Variants in GABRA4 observed in about 807,000 individuals in gnomAD.
GABRA4 encodes the protein gamma-aminobutyric acid type A receptor subunit alpha4, also known as gamma-aminobutyric acid receptor subunit alpha-4.
Under a neutral mutation model 49.7 loss-of-function variants are expected in GABRA4, and 12 were observed. The observed-to-expected ratio is 0.24, with a 90% CI of 0.15 to 0.39. The LOEUF is 0.39. Among genes scored for constraint, GABRA4 ranks in the 10% least tolerant of loss-of-function variants. GABRA4 has a pLI of 1.00. For missense variants in GABRA4, 506 were observed against 686.0 expected (o/e 0.74, Z 2.93); for synonymous variants, 288 against 240.2 (o/e 1.20, Z -1.84).
At chr4:46,987,487 A>G (rs1359622996) in intron 2 of GABRA4, among the ~76,000 whole-genome samples, 1 of 152,118 alleles carries the variant, frequency 6.6e-6, no homozygotes, top group African/African-American at 2.4e-5. Context: ...CACAGTGTGA[A>G]CTTATGAGGG....
At chr4:46,949,228 T>C (rs1722080985) in intron 8 of GABRA4, among the ~76,000 whole-genome samples, 1 of 152,150 alleles carries the variant, frequency 6.6e-6, no homozygotes, top group Non-Finnish European at 1.5e-5. Flanking sequence ...CACACATTCT[T>C]ACGGGATTCT....
At chr4:46,949,141 C>A (rs1028928892) in intron 8 of GABRA4, among the ~76,000 whole-genome samples, 3 of 152,088 alleles carry the variant, frequency 2.0e-5, no homozygotes, top group Non-Finnish European at 4.4e-5. Context: ...GCTATGATTT[C>A]TAAAACTGTG....
intron 2 of GABRA4, 84 bp downstream of exon 2, chr4:46,992,744 T>C: frequency 1.0e-6 from 1 of 979,746 alleles, no homozygotes; most frequent in Non-Finnish European, 1.7e-6. Flanking sequence ...GAGGCATACC[T>C]AATGATATTC....
intron 2 of GABRA4, among the ~76,000 whole-genome samples, chr4:46,983,354 CTTGGGTCTTTCT>C (rs1408837420): frequency 1.3e-5 from 2 of 152,068 alleles, no homozygotes; most frequent in African/African-American, 4.8e-5. Flanking sequence ...CAGCATACTG[CTTGGGTCTTTCT>C]ATCTGTAACA....
chr4:46,933,122 T>C (rs1311065385), intron 8 of GABRA4, among the ~76,000 whole-genome samples: 1 of 152,124 alleles, frequency 6.6e-6, no homozygotes, highest in Non-Finnish European at 1.5e-5. Flanking sequence ...ACCAAAAAGA[T>C]TACTGTCTGA....
At chr4:46,944,317 C>T (rs1427524497) in intron 8 of GABRA4, among the ~76,000 whole-genome samples, 3 of 145,464 alleles carry the variant, frequency 2.1e-5, no homozygotes, top group South Asian at 2.3e-4. Flanking sequence ...TTGTTAAGTA[C>T]TCCAACTTCT....
At chr4:46,969,520 T>G (rs1447381729) in intron 7 of GABRA4, among the ~76,000 whole-genome samples, 2 of 151,634 alleles carry the variant, frequency 1.3e-5, no homozygotes, top group African/African-American at 4.8e-5. Flanking sequence ...GAGCATCCAA[T>G]AGTACAACAC....
chr4:46,959,440 G>A (rs188581440), intron 8 of GABRA4, among the ~76,000 whole-genome samples: 21 of 151,966 alleles, frequency 1.4e-4, no homozygotes, highest in Admixed American at 7.2e-4. Flanking sequence ...TGATTAAATG[G>A]TATAATCCTA....
chr4:46,977,651 C>G (rs1723193780), intron 3 of GABRA4, 21 bp from the exon 4 acceptor site: 11 of 1,551,872 alleles, frequency 7.1e-6, no homozygotes, highest in Non-Finnish European at 9.7e-6. Flanking sequence ...TATTTTGGAA[C>G]ATATTTAAGT....
At position 46,956,555 on chromosome 4, in the gene GABRA4, C is replaced by CT. The variant is rs558694158; in HGVS notation, c.1134+8414dup. Among the ~76,000 whole-genome samples the CT allele has an allele frequency of 2.4e-4, 36 of 151,714 alleles. 1 individual carries two copies. Among genetic ancestry groups the CT allele is most frequent in the African/African-American group, 5.6e-4 (23 of 41,390 alleles). ...AGATTTGCCGAGCCTCTTTGTTTTG[C>CT]TTTTTTTTCCCCCAAAGTGTCCTCA... On this transcript the variant is annotated intron_variant, in intron 8 of 8. Transcript: ENST00000264318.
intron 2 of GABRA4, among the ~76,000 whole-genome samples, chr4:46,988,675 C>G (rs1723628431): frequency 6.6e-6 from 1 of 152,128 alleles, no homozygotes; most frequent in African/African-American, 2.4e-5. Flanking sequence ...AGCTTTAGAA[C>G]AAAAGTTCTT....
At chr4:46,982,954 C>G (rs1015928815) in intron 2 of GABRA4, among the ~76,000 whole-genome samples, 3 of 151,792 alleles carry the variant, frequency 2.0e-5, no homozygotes, top group African/African-American at 4.8e-5. Context: ...GAACAATAAG[C>G]GAAGATACAA....
At chr4:46,950,421 T>C (rs1722129785) in intron 8 of GABRA4, among the ~76,000 whole-genome samples, 1 of 152,024 alleles carries the variant, frequency 6.6e-6, no homozygotes, top group Non-Finnish European at 1.5e-5. Flanking sequence ...CATGACAAAT[T>C]CTTATTAATT....
At position 46,963,625 on chromosome 4, in the gene GABRA4, C is replaced by T. The variant is rs114151283; in HGVS notation, c.1134+1345G>A. Among the ~76,000 whole-genome samples, 183 of 151,830 alleles carry T rather than the reference C, an allele frequency of 1.2e-3. No homozygotes were observed. The Middle Eastern group carries it at 0.014, about 11-fold the overall frequency. ...TTCCCAGTTTCAGGTATGTCATGAT[C>T]AGCAGTGTGAAAATGGACTAATACA... On this transcript the variant is annotated intron_variant, in intron 8 of 8. Transcript: ENST00000264318.
chr4:46,944,253 C>T (rs552749396), intron 8 of GABRA4, among the ~76,000 whole-genome samples: 3 of 152,224 alleles, frequency 2.0e-5, no homozygotes, highest in East Asian at 1.9e-4. Flanking sequence ...TAAATATATA[C>T]ATTTTCAATG....
intron 1 of GABRA4, 89 bp from the exon 2 acceptor site, chr4:46,993,035 G>A (rs1577804107): frequency 9.9e-7 from 1 of 1,010,676 alleles, no homozygotes; most frequent in Non-Finnish European, 1.5e-6. Flanking sequence ...GTTTTCTAGG[G>A]AAAGAGTCGC....
intron 8 of GABRA4, among the ~76,000 whole-genome samples, chr4:46,953,066 A>G (rs1014357880): frequency 8.5e-5 from 13 of 152,134 alleles, no homozygotes; most frequent in African/African-American, 3.1e-4. Context: ...TAAATGGAGA[A>G]GTAATAACAA....
rs1298391184 is a variant in GABRA4 at position 46,920,329 on chromosome 4, A to G, written c.*7896T>C. On this transcript the variant is annotated 3_prime_UTR_variant, in exon 9 of 9. Transcript: ENST00000264318. ...AATATCTTATATTGCCAACAACATA[A>G]CTTTGTTCAGGTATTTGCCAGTCTC... is the stretch of plus-strand genomic sequence containing the variant. 4 of 151,682 alleles carry G rather than the reference A, an allele frequency of 2.6e-5. No homozygotes were observed. The East Asian group carries it at 7.7e-4, about 29-fold the overall frequency. 9.4% of individuals were successfully genotyped at this position (151,682 alleles called of 1,614,324 possible). A position where few individuals can be genotyped will look rare whatever the true frequency, so the allele number is the denominator to read the frequency against.
intron 6 of GABRA4, 28 bp downstream of exon 6, chr4:46,974,204 T>TG (rs1723055336): frequency 1.3e-6 from 2 of 1,591,420 alleles, no homozygotes; most frequent in African/African-American, 2.7e-5. Context: ...CCAAGTAGCA[T>TG]GTCGGCTTTA....
Sources: allele counts gnomAD v4.1 joint callset (sites outside exome capture counted in the v4.1 genomes callset), GRCh38; gene constraint gnomAD v4.1.1; transcripts MANE v1.5; gene names NCBI Gene and HGNC (gene_info 2026-07-23, HGNC 2026-07-21).